CNTNAP2: variants seen among roughly 807,000 people sequenced by gnomAD.
CNTNAP2 encodes the protein contactin associated protein 2.
In CNTNAP2, 98 loss-of-function variants were observed where a neutral mutation model predicts 155.2. The observed-to-expected ratio is 0.63, with a 90% CI of 0.54 to 0.75. The LOEUF (loss-of-function observed/expected upper bound fraction) is 0.75. Among genes scored for constraint, CNTNAP2 ranks in the 30% least tolerant of loss-of-function variants. The pLI, the probability that CNTNAP2 is intolerant of heterozygous loss-of-function variation, is 0.00. For synonymous variants in CNTNAP2, 651 were observed against 631.2 expected, an observed-to-expected ratio of 1.03 and a Z score of -0.47; for missense variants, 1,727 against 1,688.1, an observed-to-expected ratio of 1.02 and a Z score of -0.40.
At chr7:147,520,654 G>A (rs552720084) in intron 11 of CNTNAP2, among the ~76,000 whole-genome samples, 9 of 152,314 alleles carry the variant, frequency 5.9e-5, no homozygotes, top group South Asian at 2.1e-4. Flanking sequence ...AAGAGAAGAT[G>A]ACATAGGCCT....
chr7:147,870,469 G>C (rs1209941408), intron 13 of CNTNAP2, among the ~76,000 whole-genome samples: 2 of 152,110 alleles, frequency 1.3e-5, no homozygotes. Context: ...TTGATGTGGT[G>C]GTGGATCCCA....
At chr7:148,307,332 A>G (rs1296970587) in intron 21 of CNTNAP2, among the ~76,000 whole-genome samples, 2 of 152,124 alleles carry the variant, frequency 1.3e-5, no homozygotes, top group Non-Finnish European at 1.5e-5. Flanking sequence ...TTCTGTTTTT[A>G]GCTTCACATA....
chr7:147,650,903 T>A (rs544069864), intron 13 of CNTNAP2, among the ~76,000 whole-genome samples: 34 of 152,282 alleles, frequency 2.2e-4, no homozygotes, highest in African/African-American at 7.9e-4. Flanking sequence ...AACTAGTATG[T>A]CCATCATGGA....
intron 3 of CNTNAP2, among the ~76,000 whole-genome samples, chr7:146,962,479 T>C (rs1797574373): frequency 6.6e-6 from 1 of 152,220 alleles, no homozygotes; most frequent in Admixed American, 6.5e-5. Context: ...TAACCCACTT[T>C]GGGTAAAATA....
intron 1 of CNTNAP2, among the ~76,000 whole-genome samples, chr7:146,364,832 C>T (rs1795133111): frequency 6.6e-6 from 1 of 152,194 alleles, no homozygotes; most frequent in African/African-American, 2.4e-5. Context: ...ACATGCAATT[C>T]AGAGGAAGTT....
intron 13 of CNTNAP2, among the ~76,000 whole-genome samples, chr7:147,895,412 T>C (rs1049686330): frequency 1.3e-5 from 2 of 152,168 alleles, no homozygotes; most frequent in Non-Finnish European, 1.5e-5. Context: ...GTACAAACAG[T>C]ATAGTGATTA....
At chr7:147,290,331 T>C (rs957677889) in intron 8 of CNTNAP2, among the ~76,000 whole-genome samples, 1 of 152,152 alleles carries the variant, frequency 6.6e-6, no homozygotes, top group Admixed American at 6.5e-5. Flanking sequence ...AGCACTTCAG[T>C]ACTATGTCAG....
intron 4 of CNTNAP2, among the ~76,000 whole-genome samples, chr7:147,060,124 G>A (rs968248914): frequency 6.6e-6 from 1 of 151,850 alleles, no homozygotes; most frequent in South Asian, 2.1e-4. Context: ...AAATAAGAGC[G>A]ATTATGTATT....
intron 1 of CNTNAP2, among the ~76,000 whole-genome samples, chr7:146,590,646 C>T (rs1311636326): frequency 1.3e-5 from 2 of 152,010 alleles, no homozygotes; most frequent in African/African-American, 2.4e-5. Context: ...TGTGATAGGC[C>T]GAAGTTAAAA....
chr7:147,577,604 G>A (rs1461240906), intron 12 of CNTNAP2, among the ~76,000 whole-genome samples: 1 of 151,744 alleles, frequency 6.6e-6, no homozygotes, highest in Non-Finnish European at 1.5e-5. Context: ...GCAGGAGGGG[G>A]CTGAAATGGC....
intron 11 of CNTNAP2, among the ~76,000 whole-genome samples, chr7:147,495,190 G>A (rs2116656204): frequency 6.6e-6 from 1 of 152,272 alleles, no homozygotes; most frequent in South Asian, 2.1e-4. Context: ...AAAACAATAT[G>A]AACCAAGATA....
At chr7:147,942,403 T>C (rs527947078) in intron 14 of CNTNAP2, among the ~76,000 whole-genome samples, 2 of 152,326 alleles carry the variant, frequency 1.3e-5, no homozygotes, top group African/African-American at 4.8e-5. Context: ...TGGATAAATG[T>C]TTTCTGATAA....
At chr7:147,006,291 T>A (rs1798522777) in intron 3 of CNTNAP2, among the ~76,000 whole-genome samples, 1 of 152,054 alleles carries the variant, frequency 6.6e-6, no homozygotes, top group South Asian at 2.1e-4. Context: ...AGGTTTGTTA[T>A]ACAGATTTAT....
chr7:146,732,986 T>C (rs934893589), intron 1 of CNTNAP2, among the ~76,000 whole-genome samples: 10 of 152,154 alleles, frequency 6.6e-5, no homozygotes, highest in African/African-American at 2.4e-4. Flanking sequence ...TGTGACTGTG[T>C]ATGTATAAAA....
intron 8 of CNTNAP2, among the ~76,000 whole-genome samples, chr7:147,194,686 C>A (rs552289721): frequency 1.3e-5 from 2 of 152,130 alleles, no homozygotes; most frequent in African/African-American, 2.4e-5. Context: ...TGACGTTGAG[C>A]TTTTTTTCAT....
intron 13 of CNTNAP2, among the ~76,000 whole-genome samples, chr7:147,879,534 T>C (rs956644111): frequency 3.3e-5 from 5 of 152,110 alleles, no homozygotes; most frequent in African/African-American, 1.2e-4. Flanking sequence ...AGTCCTGCAA[T>C]AAAAATTCAG....
chr7:147,177,711 T>C (rs1802377239), intron 8 of CNTNAP2, among the ~76,000 whole-genome samples: 2 of 152,256 alleles, frequency 1.3e-5, no homozygotes, highest in Middle Eastern at 3.4e-3. Flanking sequence ...ACTTGGTGTT[T>C]GTTGGTAGGA....
intron 2 of CNTNAP2, among the ~76,000 whole-genome samples, chr7:146,784,443 G>T (rs550088196): frequency 6.6e-6 from 1 of 152,198 alleles, no homozygotes; most frequent in African/African-American, 2.4e-5. Flanking sequence ...TATCCTATTT[G>T]GTACTGGCCC....
intron 1 of CNTNAP2, among the ~76,000 whole-genome samples, chr7:146,492,062 G>A (rs56776378): frequency 1.4e-4 from 21 of 152,066 alleles, no homozygotes; most frequent in African/African-American, 2.2e-4. Context: ...ATTAAGAAAC[G>A]CAATGTCTCT....
Sources: gnomAD v4.1 joint callset for allele counts (sites outside exome capture counted in the v4.1 genomes callset) on GRCh38, gnomAD v4.1.1 for gene constraint, MANE v1.5 for transcripts, NCBI Gene and HGNC (gene_info 2026-07-23, HGNC 2026-07-21) for gene names.